The following SETD5 variants were observed in gnomAD, a reference collection of about 807,000 sequenced individuals.
SETD5 encodes histone-lysine N-methyltransferase SETD5.
A neutral mutation model predicts 153.3 loss-of-function variants in SETD5; 44 were observed. The observed-to-expected ratio is 0.29, with a 90% CI of 0.23 to 0.37. The LOEUF (loss-of-function observed/expected upper bound fraction) is 0.37. Among genes scored for constraint, SETD5 ranks in the 10% least tolerant of loss-of-function variants. SETD5 has a pLI of 1.00. For missense variants in SETD5, 1,544 were observed against 1,768.0 expected, an observed-to-expected ratio of 0.87 and a Z score of 2.27; for synonymous variants, 716 against 645.2, an observed-to-expected ratio of 1.11 and a Z score of -1.66.
At chr3:9,471,987 A>G (rs1280896125) in intron 19 of SETD5, among the ~76,000 whole-genome samples, 1 of 152,194 alleles carries the variant, frequency 6.6e-6, no homozygotes, top group Non-Finnish European at 1.5e-5. Context: ...TTCCATTTGG[A>G]CAGAAAAATG....
chr3:9,404,931 C>G lies in SETD5; in HGVS notation c.-177+6954C>G, dbSNP rs373000225. Among the ~76,000 whole-genome samples the G allele has an allele frequency of 1.6e-4, 24 of 152,376 alleles. No homozygotes were observed. In the South Asian group the frequency reaches 5.0e-3, roughly 32 times the overall value. On this transcript the variant is annotated intron_variant, in intron 1 of 22. Coordinates refer to ENST00000402198, the MANE Select transcript of SETD5 (RefSeq NM_001080517.3). ...ACTGTACCTCATCTTGCCTGTGCAG[C>G]TGCTCCACCTTATTTCCTGCTATTA... is the stretch of plus-strand genomic sequence containing the variant.
At position 9,437,205 on chromosome 3, in the gene SETD5, G is replaced by A. The variant is rs78898238; in HGVS notation, c.567+1299G>A. 3.1e-3 allele frequency among the ~76,000 whole-genome samples: 475 copies of A among 152,262 alleles called. 2 individuals are homozygous for A. Among genetic ancestry groups the A allele is most frequent in the African/African-American group, 0.011 (457 of 41,542 alleles). On this transcript the variant is annotated intron_variant, in intron 7 of 22. Coordinates refer to ENST00000402198, the MANE Select transcript of SETD5 (RefSeq NM_001080517.3). ...ACTGTGATTGAACTCAACCTTAGGA[G>A]TGGAGTTTTTCTGGTAATGATACAG...
chr3:9,455,711 A>G (rs1268320006), intron 17 of SETD5, among the ~76,000 whole-genome samples: 1 of 152,150 alleles, frequency 6.6e-6, no homozygotes, highest in East Asian at 1.9e-4. Flanking sequence ...ATGTTTGTGT[A>G]TCTATCTGGT....
At chr3:9,436,842 T>C (rs1454025182) in intron 7 of SETD5, 1 of 1,549,984 alleles carries the variant, frequency 6.5e-7, no homozygotes, top group Non-Finnish European at 8.7e-7. Context: ...TTTTCCTCCT[T>C]GGGATAGGCA....
chr3:9,439,895 A>T (rs2041061780), intron 7 of SETD5, among the ~76,000 whole-genome samples: 1 of 152,190 alleles, frequency 6.6e-6, no homozygotes, highest in African/African-American at 2.4e-5. Flanking sequence ...TAAGATTGGG[A>T]TTGGATTAAT....
intron 2 of SETD5, among the ~76,000 whole-genome samples, chr3:9,424,801 T>G (rs1021480174): frequency 3.9e-5 from 6 of 152,216 alleles, no homozygotes; most frequent in Non-Finnish European, 8.8e-5. Flanking sequence ...TCGGTTAACA[T>G]TTTAATAGCT....
rs34150556 is a variant in SETD5 at position 9,444,332 on chromosome 3, T to C, written c.1188-716T>C. Among the ~76,000 whole-genome samples, 542 of 152,224 alleles carry C rather than the reference T, an allele frequency of 3.6e-3. 4 individuals are homozygous for C. Among genetic ancestry groups the C allele is most frequent in the Middle Eastern group, 0.017 (5 of 294 alleles). On this transcript the variant is annotated intron_variant, in intron 11 of 22. Transcript: ENST00000402198. Reference sequence around the variant, plus strand: ...TTGGCCCAGGTATAAGGAAAAAAGATGTTCTGCTTAATTCATCAAGGAAAA... The same window carrying C: ...TTGGCCCAGGTATAAGGAAAAAAGACGTTCTGCTTAATTCATCAAGGAAAA...
intron 7 of SETD5, among the ~76,000 whole-genome samples, chr3:9,438,557 T>C (rs1266248644): frequency 7.2e-5 from 11 of 152,338 alleles, no homozygotes; most frequent in Admixed American, 7.2e-4. Flanking sequence ...TTTGATTCTT[T>C]TAATTCTAAA....
intron 3 of SETD5, among the ~76,000 whole-genome samples, chr3:9,429,656 A>T (rs180732045): frequency 3.3e-5 from 5 of 152,310 alleles, no homozygotes; most frequent in South Asian, 2.1e-4. Context: ...TAAATGCCAA[A>T]TGACAATGAA....
intron 7 of SETD5, among the ~76,000 whole-genome samples, chr3:9,438,443 C>T (rs186442179): frequency 9.2e-5 from 14 of 152,266 alleles, no homozygotes; most frequent in Middle Eastern, 3.4e-3. Context: ...TATAAACTGG[C>T]TCTACCAGAA....
At chr3:9,454,156 T>C (rs2042936192) in intron 17 of SETD5, 2 of 171,852 alleles carry the variant, frequency 1.2e-5, no homozygotes, top group Admixed American at 1.2e-4. Flanking sequence ...ATTTATAAGA[T>C]GGGGCAAGGG....
At chr3:9,426,262 G>A (rs1000265162) in intron 2 of SETD5, 3 of 86,170 alleles carry the variant, frequency 3.5e-5, no homozygotes, top group African/African-American at 1.3e-4. Flanking sequence ...TGGCAACAGG[G>A]ACTCACTTTG....
chr3:9,458,501 T>TA (rs1297713616), intron 17 of SETD5, among the ~76,000 whole-genome samples: 2 of 152,152 alleles, frequency 1.3e-5, no homozygotes, highest in East Asian at 3.9e-4. Context: ...CCTGTAGCCT[T>TA]AAGGAGGCTG....
At chr3:9,418,346 A>T (rs1472249003) in intron 1 of SETD5, among the ~76,000 whole-genome samples, 1 of 152,222 alleles carries the variant, frequency 6.6e-6, no homozygotes, top group African/African-American at 2.4e-5. Flanking sequence ...CATTACAGAA[A>T]GAAGAAATTT....
intron 10 of SETD5, 146 bp downstream of exon 10, chr3:9,442,391 G>C (rs750296740): frequency 4.6e-6 from 3 of 650,566 alleles, no homozygotes; most frequent in African/African-American, 1.8e-5. Flanking sequence ...CAAAAGTAAT[G>C]GTGCTTTTAT....
chr3:9,407,035 T>C (rs2035807912), intron 1 of SETD5, among the ~76,000 whole-genome samples: 2 of 152,204 alleles, frequency 1.3e-5, no homozygotes, highest in Non-Finnish European at 1.5e-5. Flanking sequence ...ATCTCAGAAG[T>C]TGCTGTAGCC....
intron 17 of SETD5, chr3:9,454,099 A>G (rs1415485969): frequency 3.8e-6 from 1 of 262,894 alleles, no homozygotes; most frequent in Non-Finnish European, 6.9e-6. Context: ...GGTTATAAAA[A>G]AGGTTAGATA....
chr3:9,406,599 C>T (rs1383505076), intron 1 of SETD5, among the ~76,000 whole-genome samples: 1 of 116,452 alleles, frequency 8.6e-6, no homozygotes, highest in Non-Finnish European at 1.6e-5. Flanking sequence ...CAGAGCGAGA[C>T]TCTGTCTCAA....
rs2038936841 is a variant in SETD5 at position 9,425,043 on chromosome 3, C to T, written c.-117+517C>T. On this transcript the variant is annotated intron_variant, in intron 2 of 22. Transcript: ENST00000402198. ...TTTATGAAATAGAAATTTATAGTTA[C>T]CGACAATGTTTCTTTTTTTTTTTTT... Among the ~76,000 whole-genome samples the T allele has an allele frequency of 2.1e-5, 3 of 141,918 alleles. No homozygotes were observed. In the South Asian group the frequency reaches 6.4e-4, roughly 30 times the overall value. The allele number at this position is 141,918 out of a possible 152,430, so 93.1% of individuals were successfully genotyped here. A position where few individuals can be genotyped will look rare whatever the true frequency, so the allele number is the denominator to read the frequency against.
Sources: allele counts gnomAD v4.1 joint callset (sites outside exome capture counted in the v4.1 genomes callset), GRCh38; gene constraint gnomAD v4.1.1; transcripts MANE v1.5; gene names NCBI Gene and HGNC (gene_info 2026-07-23, HGNC 2026-07-21).